The following HBB variants were observed in gnomAD, a reference collection of about 807,000 sequenced individuals.
The protein encoded by HBB is hemoglobin subunit beta.
Under a neutral mutation model 9.7 loss-of-function variants are expected in HBB, and 18 were observed. The ratio of observed to expected loss-of-function variants is 1.86; its 90% CI spans 1.28 to 2.76. The LOEUF is 2.76. Ranked by LOEUF, HBB falls within the 30% of genes most tolerant of loss-of-function variation. The probability of loss-of-function intolerance (pLI) is 0.00; values close to 1 mark genes in which losing one functional copy is unlikely to be tolerated. For synonymous variants in HBB, 99 were observed against 73.6 expected, an observed-to-expected ratio of 1.35 and a Z score of -1.77; for missense variants, 156 against 177.0, an observed-to-expected ratio of 0.88 and a Z score of 0.67.
At position 5,225,733 on chromosome 11, in the gene HBB, G is replaced by T. The variant is rs34483965; in HGVS notation, c.316-7C>A. On this transcript the variant is annotated splice_region_variant and splice_polypyrimidine_tract_variant and intron_variant, in intron 2 of 2. Coordinates refer to ENST00000335295, the MANE Select transcript of HBB (RefSeq NM_000518.5). The stretch of plus-strand genomic sequence containing the variant: ...CCAGCACGTTGCCCAGGAGCTGTGG[G>T]AGGAAGATAAGAGGTATGAACATGA... 6.2e-6 allele frequency: 10 copies of T among 1,613,938 alleles called. No homozygotes were observed. The African/African-American group carries it at 1.2e-4, about 19-fold the overall frequency.
In HBB at chr11:5,226,924, A is replaced by G. The variant is rs35724775; in HGVS notation, c.92+6T>C. Reference sequence around the variant, plus strand: ...CTTAAACCTGTCTTGTAACCTTGATACCAACCTGCCCAGGGCCTCACCACC... The same window carrying G: ...CTTAAACCTGTCTTGTAACCTTGATGCCAACCTGCCCAGGGCCTCACCACC... On this transcript the variant is annotated splice_donor_region_variant and intron_variant, in intron 1 of 2. Transcript: ENST00000335295. 7.4e-5 allele frequency: 119 copies of G among 1,612,160 alleles called. 1 individual carries two copies. In the Middle Eastern group the frequency reaches 2.3e-3, roughly 31 times the overall value.
In HBB at chr11:5,225,686, A is replaced by G. The variant is rs33928092; in HGVS notation, c.356T>C (p.Phe119Ser). The change falls in exon 3 of 3, where the codon TTT becomes TCT. Residue 119 changes from phenylalanine (F) to serine (S), a missense_variant. Physicochemically the swap from Phe to Ser is radical, Grantham distance 155 (BLOSUM62 -2). Transcript: ENST00000335295. ...CACTGGTGGGGTGAATTCTTTGCCA[A>G]AGTGATGGGCCAGCACACAGACCAG... ...NVLVCVLAHHFGKEFTPPVQA... is the reference protein window; with the variant it reads ...NVLVCVLAHHSGKEFTPPVQA... 2.5e-6 allele frequency: 4 copies of G among 1,614,012 alleles called. No homozygotes were observed. The highest frequency in any genetic ancestry group is 3.4e-6 in the Non-Finnish European group (4 of 1,180,002).
chr11:5,226,378 C>G, intron 2 of HBB, 199 bp downstream of exon 2: 1 of 619,072 alleles, frequency 1.6e-6, no homozygotes, highest in Non-Finnish European at 2.8e-6. Context: ...AAAAAGAAAG[C>G]AAGAATTAAA....
At position 5,226,601 on chromosome 11, in the gene HBB, C is replaced by T; in HGVS notation, c.291G>A (p.Leu97=). 2.5e-6 allele frequency: 4 copies of T among 1,614,074 alleles called. No homozygotes were observed. Among genetic ancestry groups the T allele is most frequent in the Non-Finnish European group, 3.4e-6 (4 of 1,180,020 alleles). Residue 97 remains leucine (L), a synonymous_variant, in exon 2 of 3, where the codon CTG becomes CTA. Coordinates refer to ENST00000335295, the MANE Select transcript of HBB (RefSeq NM_000518.5). ...CCCTGAAGTTCTCAGGATCCACGTGCAGCTTGTCACAGTGCAGCTCACTCA... is the reference window on the plus strand; with the variant it reads ...CCCTGAAGTTCTCAGGATCCACGTGTAGCTTGTCACAGTGCAGCTCACTCA... ...ATLSELHCDK[L]HVDPENFRLL...
In HBB at chr11:5,226,268, G is replaced by GT. The variant is rs1020110937; in HGVS notation, c.315+308dup. On this transcript the variant is annotated intron_variant, in intron 2 of 2. Transcript: ENST00000335295. The stretch of plus-strand genomic sequence containing the variant: ...TAATGTACTAGGCAGACTGTGTAAA[G>GT]TTTTTTTTTAAGTTACTTAATGTAT... 793 of 522,160 alleles carry GT rather than the reference G, an allele frequency of 1.5e-3. No homozygotes were observed. The highest frequency in any genetic ancestry group is 2.0e-3 in the East Asian group (63 of 30,900). 32.3% of individuals were successfully genotyped at this position (522,160 alleles called of 1,614,324 possible).
Position 5,226,573 on chromosome 11 carries a change from T to C in HBB, c.315+4A>G, listed in dbSNP as rs1468286413. 4.3e-6 allele frequency: 7 copies of C among 1,613,122 alleles called. No homozygotes were observed. Among genetic ancestry groups the C allele is most frequent in the Non-Finnish European group, 5.9e-6 (7 of 1,179,256 alleles). ...AGAAAACATCAAGCGTCCCATAGAC[T>C]CACCCTGAAGTTCTCAGGATCCACG... On this transcript the variant is annotated splice_donor_region_variant and intron_variant, in intron 2 of 2. Transcript: ENST00000335295.
Position 5,225,486 on chromosome 11 carries a change from T to C in HBB, c.*112A>G, listed in dbSNP as rs63750954. ...TCATTGCAATGAAAATAAATGTTTT[T>C]TATTAGGCAGAATCCAGATGCTCAA... On this transcript the variant is annotated 3_prime_UTR_variant, in exon 3 of 3. Coordinates refer to ENST00000335295, the MANE Select transcript of HBB (RefSeq NM_000518.5). 1 of 1,012,230 alleles carries C rather than the reference T, an allele frequency of 9.9e-7. No individual in the cohort carries two copies. 62.7% of individuals were successfully genotyped at this position (1,012,230 alleles called of 1,614,324 possible).
rs1847534599 is a variant in HBB at position 5,225,823 on chromosome 11, A to G, written c.316-97T>C. ...CTTATCCCAACCATAAAATAAAAGC[A>G]GAATGGTAGCTGGATTGTAGCTGCT... is the stretch of plus-strand genomic sequence containing the variant. On this transcript the variant is annotated intron_variant, in intron 2 of 2. Transcript: ENST00000335295. 2 of 1,278,758 alleles carry G rather than the reference A, an allele frequency of 1.6e-6. No homozygotes were observed. Among genetic ancestry groups the G allele is most frequent in the Non-Finnish European group, 2.3e-6 (2 of 877,694 alleles). The allele number at this position is 1,278,758 out of a possible 1,614,324, so 79.2% of individuals were successfully genotyped here.
rs33914668 is a variant in HBB, at chr11:5,225,728, T to C, written c.316-2A>G. 21 of 1,613,914 alleles carry C rather than the reference T, an allele frequency of 1.3e-5. No homozygotes were observed. In the African/African-American group the frequency reaches 2.7e-4, roughly 20 times the overall value. ...ACAGACCAGCACGTTGCCCAGGAGC[T>C]GTGGGAGGAAGATAAGAGGTATGAA... is the stretch of plus-strand genomic sequence containing the variant. On this transcript the variant is annotated splice_acceptor_variant, in intron 2 of 2. Transcript: ENST00000335295. LOFTEE classifies it high-confidence loss of function.
In HBB at chr11:5,226,934, C is replaced by T. The variant is rs33974277; in HGVS notation, c.88G>A (p.Gly30Ser). 1 of 1,613,280 alleles carries T rather than the reference C, an allele frequency of 6.2e-7. No homozygotes were observed. The highest frequency in any genetic ancestry group is 1.3e-5 in the African/African-American group (1 of 75,014). ...NVDEVGGEAL[G>S]RLLVVYPWTQ... ...TCTTGTAACCTTGATACCAACCTGC[C>T]CAGGGCCTCACCACCAACTTCATCC... The change falls in exon 1 of 3, where the codon GGC becomes AGC. Residue 30 changes from glycine (G) to serine (S), a missense_variant. Transcript: ENST00000335295.
At chr11:5,226,435 G>C in intron 2 of HBB, 142 bp downstream of exon 2, 1 of 763,866 alleles carries the variant, frequency 1.3e-6, no homozygotes. Context: ...AAACTAAAAC[G>C]ATCCTGAGAC....
chr11:5,225,508 T>C lies in HBB; in HGVS notation c.*90A>G, dbSNP rs1847519610. ...TTTTTATTAGGCAGAATCCAGATGC[T>C]CAAGGCCCTTCATAATATCCCCCAG... is the stretch of plus-strand genomic sequence containing the variant. On this transcript the variant is annotated 3_prime_UTR_variant, in exon 3 of 3. Transcript: ENST00000335295. The C allele has an allele frequency of 8.3e-7, 1 of 1,198,902 alleles. No individual in the cohort carries two copies. Among genetic ancestry groups the C allele is most frequent in the Non-Finnish European group, 1.2e-6 (1 of 800,878 alleles). The allele number at this position is 1,198,902 out of a possible 1,614,324, so 74.3% of individuals were successfully genotyped here. A position where few individuals can be genotyped will look rare whatever the true frequency, so the allele number is the denominator to read the frequency against.
chr11:5,226,220 A>C (rs1847542822), intron 2 of HBB: 1 of 390,510 alleles, frequency 2.6e-6, no homozygotes, highest in African/African-American at 2.1e-5. Context: ...ATATGCAAAT[A>C]AGCACACATA....
At position 5,226,621 on chromosome 11, in the gene HBB, C is replaced by T. The variant is rs33913712; in HGVS notation, c.271G>A (p.Glu91Lys). The T allele has an allele frequency of 6.2e-7, 1 of 1,614,128 alleles. No individual in the cohort carries two copies. The highest frequency in any genetic ancestry group is 1.1e-5 in the South Asian group (1 of 91,078). ...NLKGTFATLS[E>K]LHCDKLHVDP... ...ACGTGCAGCTTGTCACAGTGCAGCTCACTCAGTGTGGCAAAGGTGCCCTTG... is the reference window on the plus strand; with the variant it reads ...ACGTGCAGCTTGTCACAGTGCAGCTTACTCAGTGTGGCAAAGGTGCCCTTG... The change falls in exon 2 of 3, where the codon GAG becomes AAG. Residue 91 changes from glutamate (E) to lysine (K), a missense_variant. Coordinates refer to ENST00000335295, the MANE Select transcript of HBB (RefSeq NM_000518.5).
rs33945777 is a variant in HBB at position 5,226,576 on chromosome 11, C to T, written c.315+1G>A. On this transcript the variant is annotated splice_donor_variant, in intron 2 of 2. Transcript: ENST00000335295. LOFTEE classifies it high-confidence loss of function. ...AAACATCAAGCGTCCCATAGACTCACCCTGAAGTTCTCAGGATCCACGTGC... is the reference window on the plus strand; with the variant it reads ...AAACATCAAGCGTCCCATAGACTCATCCTGAAGTTCTCAGGATCCACGTGC... 52 of 1,613,412 alleles carry T rather than the reference C, an allele frequency of 3.2e-5. No individual in the cohort carries two copies. In the Middle Eastern group the frequency reaches 9.9e-4, roughly 31 times the overall value.
Position 5,225,715 on chromosome 11 carries a change from G to A in HBB, c.327C>T (p.Asn109=), listed in dbSNP as rs34933751. 30 of 1,613,936 alleles carry A rather than the reference G, an allele frequency of 1.9e-5. No homozygotes were observed. Among genetic ancestry groups the A allele is most frequent in the Middle Eastern group, 1.6e-4 (1 of 6,084 alleles). Residue 109 remains asparagine, a synonymous_variant, in exon 3 of 3, where the codon AAC becomes AAT. Coordinates refer to ENST00000335295, the MANE Select transcript of HBB (RefSeq NM_000518.5). ...GATGGGCCAGCACACAGACCAGCAC[G>A]TTGCCCAGGAGCTGTGGGAGGAAGA... is the stretch of plus-strand genomic sequence containing the variant. ...VDPENFRLLG[N]VLVCVLAHHF...
chr11:5,225,854 C>G lies in HBB; in HGVS notation c.316-128G>C, dbSNP rs1291160651. 3 of 859,760 alleles carry G rather than the reference C, an allele frequency of 3.5e-6. No individual in the cohort carries two copies. Among genetic ancestry groups the G allele is most frequent in the East Asian group, 5.0e-5 (2 of 40,044 alleles). The allele number at this position is 859,760 out of a possible 1,614,324, so 53.3% of individuals were successfully genotyped here. On this transcript the variant is annotated intron_variant, in intron 2 of 2. Transcript: ENST00000335295. ...GTAGCTGGATTGTAGCTGCTATTAG[C>G]AATATGAAACCTCTTACATCAGTTA... is the stretch of plus-strand genomic sequence containing the variant.
chr11:5,226,494 C>G, intron 2 of HBB, 83 bp downstream of exon 2: 1 of 1,242,908 alleles, frequency 8.0e-7, no homozygotes, highest in South Asian at 1.2e-5. Context: ...AAACTGTACC[C>G]TGTTACTTAT....
At chr11:5,226,516 G>T in intron 2 of HBB, 61 bp downstream of exon 2, 1 of 1,467,702 alleles carries the variant, frequency 6.8e-7, no homozygotes, top group Non-Finnish European at 9.6e-7. Flanking sequence ...CCCTTCCTAT[G>T]ACATGAACTT....
Sources: allele counts gnomAD v4.1 joint callset, GRCh38; gene constraint gnomAD v4.1.1; transcripts MANE v1.5; gene names NCBI Gene and HGNC (gene_info 2026-07-23, HGNC 2026-07-21).